Variants in RASD2 observed in about 807,000 individuals in gnomAD.
RASD2 encodes the protein RASD family member 2.
RASD2 carries 7 observed loss-of-function variants against 15.8 expected under a neutral mutation model. The observed-to-expected ratio is 0.44, with a 90% confidence interval of 0.25 to 0.83. The LOEUF (loss-of-function observed/expected upper bound fraction) is 0.83, where lower values mean the gene tolerates loss of function less well. RASD2 is among the 40% of genes least tolerant of loss of function. The pLI is 0.20. For synonymous variants in RASD2, 155 were observed against 153.6 expected (o/e 1.01, Z -0.07); for missense variants, 274 against 382.8 (o/e 0.72, Z 2.37).
At chr22:35,539,871 A>C (rs1379169076), upstream of RASD2, among the ~76,000 whole-genome samples, 3 of 152,200 alleles carry the variant, frequency 2.0e-5, no homozygotes, top group Admixed American at 6.5e-5. Flanking sequence ...CAAGCCCCTC[A>C]TTTAAAGGTG....
chr22:35,540,529 C>CG (rs1179572069), upstream of RASD2, among the ~76,000 whole-genome samples: 8 of 150,964 alleles, frequency 5.3e-5, no homozygotes, highest in Non-Finnish European at 1.2e-4. Flanking sequence ...GCGCGGCTCG[C>CG]GGGGGGCCGA....
chr22:35,545,245 A>G (rs980442347), intron 1 of RASD2, among the ~76,000 whole-genome samples: 4 of 152,158 alleles, frequency 2.6e-5, no homozygotes, highest in South Asian at 4.1e-4. Context: ...CACGCAGGCA[A>G]TCTCTCCACC....
At chr22:35,544,734 A>T (rs1934450691) in intron 1 of RASD2, among the ~76,000 whole-genome samples, 1 of 152,170 alleles carries the variant, frequency 6.6e-6, no homozygotes. Flanking sequence ...ACCACCTGGG[A>T]TCAAACCTCT....
chr22:35,553,212 CCCA>C lies in RASD2; in HGVS notation c.*1186_*1188del, dbSNP rs1934725464. On this transcript the variant is annotated 3_prime_UTR_variant, in exon 3 of 3. Transcript: ENST00000216127. ...CCTGGCCTCTGCCCGCCCCTGCTGC[CCCA>C]CCACCTTCTGCACACACAGCGGTGG... 6.6e-6 allele frequency: 1 copy of C among 152,326 alleles called. No individual in the cohort carries two copies. The highest frequency in any genetic ancestry group is 1.5e-5 in the Non-Finnish European group (1 of 68,108). 9.4% of individuals were successfully genotyped at this position (152,326 alleles called of 1,614,324 possible).
At chr22:35,535,416 A>G in the RASD2 span, among the ~76,000 whole-genome samples, 4 of 149,836 alleles carry the variant, frequency 2.7e-5, no homozygotes, top group East Asian at 1.9e-4. Flanking sequence ...AAAAAAAAAG[A>G]AAAAAAAAAG....
At chr22:35,535,534 C>T in the RASD2 span, among the ~76,000 whole-genome samples, 1 of 152,102 alleles carries the variant, frequency 6.6e-6, no homozygotes, top group African/African-American at 2.4e-5. Context: ...AGGGTTGAAT[C>T]CAAAAGCAAA....
chr22:35,544,014 C>G (rs899941303), intron 1 of RASD2, among the ~76,000 whole-genome samples: 3 of 150,374 alleles, frequency 2.0e-5, no homozygotes, highest in African/African-American at 7.4e-5. Flanking sequence ...CCTGCCTCCT[C>G]TCTCCGATTC....
upstream of RASD2, among the ~76,000 whole-genome samples, chr22:35,536,221 C>T (rs1934245883): frequency 6.6e-6 from 1 of 152,078 alleles, no homozygotes; most frequent in Admixed American, 6.5e-5. Context: ...CCTGCCAAGG[C>T]AAGAGACTCA....
chr22:35,538,656 G>A (rs1057058950), upstream of RASD2, among the ~76,000 whole-genome samples: 2 of 152,174 alleles, frequency 1.3e-5, no homozygotes, highest in Non-Finnish European at 2.9e-5. Flanking sequence ...AGCTCCCCTC[G>A]CGACTGGGAT....
intron 1 of RASD2, among the ~76,000 whole-genome samples, chr22:35,546,351 C>T (rs573964613): frequency 5.9e-5 from 9 of 152,282 alleles, no homozygotes; most frequent in African/African-American, 9.6e-5. Flanking sequence ...TCACAGGCTC[C>T]GGGAAAGCCA....
Position 35,551,418 on chromosome 22 carries a change from C to A in RASD2, c.272-85C>A. 3 of 1,423,370 alleles carry A rather than the reference C, an allele frequency of 2.1e-6. No individual in the cohort carries two copies. Among genetic ancestry groups the A allele is most frequent in the Non-Finnish European group, 2.9e-6 (3 of 1,038,712 alleles). 88.2% of individuals were successfully genotyped at this position (1,423,370 alleles called of 1,614,324 possible). On this transcript the variant is annotated intron_variant, in intron 2 of 2. Transcript: ENST00000216127. The surrounding 1 kb of genome is among the most constrained non-coding windows in gnomAD (Gnocchi z 4.9). ...GCTTCAGGGCACCTGTGACTCCCAG[C>A]TCTTAGGGCTGATGTTCTGTGGCCA... is the stretch of plus-strand genomic sequence containing the variant.
chr22:35,536,542 G>A (rs2145863806), upstream of RASD2, among the ~76,000 whole-genome samples: 1 of 152,266 alleles, frequency 6.6e-6, no homozygotes, highest in East Asian at 1.9e-4. Flanking sequence ...AGCCAGGGTG[G>A]TCTCGATCTC....
intron 1 of RASD2, among the ~76,000 whole-genome samples, chr22:35,546,449 A>C (rs1569101891): frequency 6.6e-6 from 1 of 152,176 alleles, no homozygotes; most frequent in Non-Finnish European, 1.5e-5. Context: ...CAACAACTCT[A>C]TGAATTGGGC....
Position 35,541,275 on chromosome 22 carries a change from GCCCTCGGAGC to G in RASD2, c.-232_-223del, listed in dbSNP as rs1211546291. On this transcript the variant is annotated 5_prime_UTR_variant, in exon 1 of 3. Transcript: ENST00000216127. Reference sequence around the variant, plus strand: ...CCGCCCCCTGCCCGGGCCCCGCCGAGCCCTCGGAGCCCACCCATGGGGCACCTGCCCCTTG... The same window carrying G: ...CCGCCCCCTGCCCGGGCCCCGCCGAGCCACCCATGGGGCACCTGCCCCTTG... 6.6e-6 allele frequency: 1 copy of G among 151,944 alleles called. No homozygotes were observed. The highest frequency in any genetic ancestry group is 1.5e-5 in the Non-Finnish European group (1 of 67,978). 9.4% of individuals were successfully genotyped at this position (151,944 alleles called of 1,614,324 possible). A position where few individuals can be genotyped will look rare whatever the true frequency, so the allele number is the denominator to read the frequency against.
At position 35,551,516 on chromosome 22, in the gene RASD2, C is replaced by G; in HGVS notation, c.285C>G (p.Ile95Met). ...RLSILTGDVF[I>M]LVFSLDNRES... Reference sequence around the variant, plus strand: ...CTCTCCCTGCAGGGGATGTCTTCATCCTGGTGTTCAGCCTGGATAACCGGG... The same window carrying G: ...CTCTCCCTGCAGGGGATGTCTTCATGCTGGTGTTCAGCCTGGATAACCGGG... Residue 95 changes from isoleucine (I) to methionine (M), a missense_variant, in exon 3 of 3, where the codon ATC becomes ATG. Physicochemically the swap from Ile to Met is conservative, Grantham distance 10. Coordinates refer to ENST00000216127, the MANE Select transcript of RASD2 (RefSeq NM_014310.4). This position sits in a 1 kb window ranked among gnomAD's most constrained non-coding sequence, Gnocchi z 4.9. 5 of 1,608,924 alleles carry G rather than the reference C, an allele frequency of 3.1e-6. No individual in the cohort carries two copies. The highest frequency in any genetic ancestry group is 4.3e-6 in the Non-Finnish European group (5 of 1,175,626).
chr22:35,548,748 C>T (rs1181845184), intron 2 of RASD2, among the ~76,000 whole-genome samples: 3 of 152,220 alleles, frequency 2.0e-5, no homozygotes, highest in Non-Finnish European at 2.9e-5. Context: ...TAGGAGAGCC[C>T]TGGGTCGACC....
the RASD2 span, among the ~76,000 whole-genome samples, chr22:35,535,404 C>CAA: frequency 0.26 from 34,841 of 134,902 alleles, 4,433 homozygotes; most frequent in South Asian, 0.34. Flanking sequence ...ACCCTGTCTC[C>CAA]AAAAAAAAAA....
At chr22:35,534,511 G>A in the RASD2 span, among the ~76,000 whole-genome samples, 1 of 152,180 alleles carries the variant, frequency 6.6e-6, no homozygotes, top group African/African-American at 2.4e-5. Flanking sequence ...CAAAGAGTGG[G>A]GGCTCCATAA....
chr22:35,543,021 G>A (rs1934393905), intron 1 of RASD2, among the ~76,000 whole-genome samples: 1 of 152,204 alleles, frequency 6.6e-6, no homozygotes, highest in Non-Finnish European at 1.5e-5. Flanking sequence ...CTGGGGGTGG[G>A]TTTTCATAGA....
Sources: allele counts gnomAD v4.1 joint callset (sites outside exome capture counted in the v4.1 genomes callset), GRCh38; gene constraint gnomAD v4.1.1; non-coding constraint Gnocchi (gnomAD v3.1); transcripts MANE v1.5; gene names NCBI Gene and HGNC (gene_info 2026-07-23, HGNC 2026-07-21).